NXF1: variants seen among roughly 807,000 people sequenced by gnomAD.
NXF1 encodes nuclear RNA export factor 1, also known as mRNA export factor TAP.
Under a neutral mutation model 92.4 loss-of-function variants are expected in NXF1, and 43 were observed. That is an observed-to-expected ratio of 0.47 (90% CI 0.36 to 0.60). The LOEUF (loss-of-function observed/expected upper bound fraction) is 0.60, where lower values mean the gene tolerates loss of function less well. NXF1 is among the 20% of genes least tolerant of loss of function. NXF1 has a pLI of 0.00. For missense variants in NXF1, 576 were observed against 793.0 expected (o/e 0.73, Z 3.29); for synonymous variants, 288 against 292.2 (o/e 0.99, Z 0.15).
chr11:62,792,367 C>T lies in NXF1; in HGVS notation c.*109G>A. 1 of 1,357,056 alleles carries T rather than the reference C, an allele frequency of 7.4e-7. No homozygotes were observed. Among genetic ancestry groups the T allele is most frequent in the Non-Finnish European group, 1.1e-6 (1 of 949,126 alleles). The allele number at this position is 1,357,056 out of a possible 1,614,324, so 84.1% of individuals were successfully genotyped here. A position where few individuals can be genotyped will look rare whatever the true frequency, so the allele number is the denominator to read the frequency against. The stretch of plus-strand genomic sequence containing the variant: ...CAGGCAGCCCTCCCTCCCTCGGTCA[C>T]AGTCACGGGGCGGCCTCGGGCCAGA... On this transcript the variant is annotated 3_prime_UTR_variant, in exon 21 of 21. Transcript: ENST00000294172.
At chr11:62,792,596 G>A in intron 20 of NXF1, 45 bp downstream of exon 20, 1 of 1,613,438 alleles carries the variant, frequency 6.2e-7, no homozygotes, top group Non-Finnish European at 8.5e-7. Context: ...CCTCCTGGAG[G>A]CCCAGAGATC....
chr11:62,794,702 A>G, intron 18 of NXF1: 1 of 588,066 alleles, frequency 1.7e-6, no homozygotes, highest in Non-Finnish European at 3.0e-6. Flanking sequence ...TTGTTATATG[A>G]ATTTTCAGAT....
intron 17 of NXF1, chr11:62,795,250 G>A: frequency 4.7e-6 from 2 of 423,308 alleles, no homozygotes; most frequent in South Asian, 7.4e-5. Flanking sequence ...GGCTGAGGTG[G>A]GCAGATCACG....
Position 62,802,159 on chromosome 11 carries a change from A to G in NXF1, c.453+18T>C, listed in dbSNP as rs1362020227. ...ATCCCTGGTGCCTGGCCAGCCAGCCACTCAGGCCTTGTCTTACCTCAATAG... is the reference window on the plus strand; with the variant it reads ...ATCCCTGGTGCCTGGCCAGCCAGCCGCTCAGGCCTTGTCTTACCTCAATAG... On this transcript the variant is annotated intron_variant, in intron 4 of 20. Coordinates refer to ENST00000294172, the MANE Select transcript of NXF1 (RefSeq NM_006362.5). The G allele has an allele frequency of 1.9e-6, 3 of 1,613,184 alleles. No individual in the cohort carries two copies.
chr11:62,804,427 A>G (rs772396623), intron 1 of NXF1, among the ~76,000 whole-genome samples: 1 of 152,196 alleles, frequency 6.6e-6, no homozygotes, highest in Non-Finnish European at 1.5e-5. Context: ...CTTCGTTTCC[A>G]TGGCCAGAAA....
intron 5 of NXF1, 24 bp from the exon 6 acceptor site, chr11:62,801,843 C>G: frequency 1.9e-6 from 3 of 1,609,406 alleles, no homozygotes; most frequent in Non-Finnish European, 2.6e-6. Context: ...ACAGAGGGCA[C>G]AGAAAACTCT....
chr11:62,794,362 TGC>T lies in NXF1; in HGVS notation c.1654_1655del (p.Ala552ThrfsTer80). 6.2e-7 allele frequency: 1 copy of T among 1,614,136 alleles called. No individual in the cohort carries two copies. On this transcript the variant is annotated frameshift_variant, in exon 19 of 21. Transcript: ENST00000294172. LOFTEE classifies it high-confidence loss of function. ...EEIQRAFAMPAPTPSSSPVPT... is the reference protein window; with the variant it reads ...EEIQRAFAMPXPTPSSSPVPT... ...GCACCGGGCTGGAGGAAGGCGTGGG[TGC>T]AGGCATAGCGAAGGCTCTTTGGATC...
Position 62,801,057 on chromosome 11 carries a change from A to C in NXF1, c.906+37T>G, listed in dbSNP as rs964402037. ...GACAAACTCTCTACACCCTCTACCC[A>C]CCCCTTCAAAAATATAGCCGAGCTA... On this transcript the variant is annotated intron_variant, in intron 9 of 20. Transcript: ENST00000294172. 8 of 1,478,222 alleles carry C rather than the reference A, an allele frequency of 5.4e-6. No homozygotes were observed. In the African/African-American group the frequency reaches 8.3e-5, roughly 15 times the overall value. The allele number at this position is 1,478,222 out of a possible 1,614,324, so 91.6% of individuals were successfully genotyped here. A position where few individuals can be genotyped will look rare whatever the true frequency, so the allele number is the denominator to read the frequency against.
intron 10 of NXF1, 158 bp downstream of exon 10, chr11:62,800,219 C>A: frequency 9.0e-6 from 13 of 1,447,084 alleles, no homozygotes; most frequent in Non-Finnish European, 1.2e-5. Flanking sequence ...CTGGAAGACA[C>A]AGACAGACCA....
chr11:62,803,945 C>A lies in NXF1; in HGVS notation c.62G>T (p.Arg21Ile). 1 of 1,613,798 alleles carries A rather than the reference C, an allele frequency of 6.2e-7. No homozygotes were observed. The highest frequency in any genetic ancestry group is 2.2e-5 in the East Asian group (1 of 44,888). Residue 21 changes from arginine (R) to isoleucine (I), a missense_variant, in exon 2 of 21, where the codon AGA becomes ATA. Arg to Ile is a moderately conservative substitution (Grantham distance 97). Coordinates refer to ENST00000294172, the MANE Select transcript of NXF1 (RefSeq NM_006362.5). ...HDDERVNFPQ[R>I]KKKGRGPFRW... ...GAAGGGACCCCGGCCTTTCTTCTTT[C>A]TTTGAGGGAAATTAACGCGTTCATC...
intron 18 of NXF1, 30 bp from the exon 19 acceptor site, chr11:62,794,470 G>A: frequency 6.3e-7 from 1 of 1,584,106 alleles, no homozygotes; most frequent in African/African-American, 1.3e-5. Context: ...TAAAAAGCTA[G>A]ACAGAGATAA....
Position 62,801,642 on chromosome 11 carries a change from A to G in NXF1, c.640-11T>C. 6.2e-7 allele frequency: 1 copy of G among 1,613,960 alleles called. No homozygotes were observed. The highest frequency in any genetic ancestry group is 1.1e-5 in the South Asian group (1 of 91,066). On this transcript the variant is annotated splice_polypyrimidine_tract_variant and intron_variant, in intron 6 of 20. Coordinates refer to ENST00000294172, the MANE Select transcript of NXF1 (RefSeq NM_006362.5). ...TTTGCTCATGATCAGCTAGAGGAAA[A>G]AGAAGGGTTTAGTGGTCACTGGGTT...
intron 1 of NXF1, among the ~76,000 whole-genome samples, chr11:62,804,740 G>C (rs2084515673): frequency 6.6e-6 from 1 of 152,134 alleles, no homozygotes; most frequent in Non-Finnish European, 1.5e-5. Context: ...TGATAGGAAT[G>C]ATCTCATTTC....
Position 62,794,931 on chromosome 11 carries a change from T to G in NXF1, c.1577+4A>C, listed in dbSNP as rs2084405100. On this transcript the variant is annotated splice_donor_region_variant and intron_variant, in intron 18 of 20. Transcript: ENST00000294172. ...GTATCCAATGCGAAAAGCAGAATAC[T>G]TACCCTGAATTGCTAGCAGGAACAG... 1.2e-6 allele frequency: 2 copies of G among 1,614,090 alleles called. No individual in the cohort carries two copies. Among genetic ancestry groups the G allele is most frequent in the African/African-American group, 2.7e-5 (2 of 75,062 alleles).
In NXF1 at chr11:62,798,550, A is replaced by G. The variant is rs746589453; in HGVS notation, c.1042T>C (p.Leu348=). ...ISAIRERFPK[L]LRLDGHELPP... ...AATTATGGACTTACCAGGCGTAGTA[A>G]CTTGGGAAATCGTTCGCGAATGGCG... The change falls in exon 11 of 21, where the codon TTA becomes CTA. Residue 348 remains leucine (L), a synonymous_variant. Transcript: ENST00000294172. 2.5e-6 allele frequency: 4 copies of G among 1,614,054 alleles called. No individual in the cohort carries two copies. Among genetic ancestry groups the G allele is most frequent in the Admixed American group, 3.3e-5 (2 of 59,996 alleles).
chr11:62,798,598 G>A (rs1295428925), intron 10 of NXF1, 23 bp from the exon 11 acceptor site: 2 of 1,613,624 alleles, frequency 1.2e-6, no homozygotes, highest in African/African-American at 2.7e-5. Flanking sequence ...GGACAGAAGT[G>A]AGTGATGCTT....
chr11:62,798,850 C>A, intron 10 of NXF1: 2 of 1,259,410 alleles, frequency 1.6e-6, no homozygotes, highest in South Asian at 2.4e-5. Context: ...AGCCCAGGAC[C>A]TCTTTCCCCT....
chr11:62,800,628 G>C, intron 9 of NXF1, 142 bp from the exon 10 acceptor site: 1 of 582,804 alleles, frequency 1.7e-6, no homozygotes, highest in Non-Finnish European at 3.0e-6. Context: ...TTTTGGGACA[G>C]GGTCTCACTC....
chr11:62,795,677 T>G (rs912857722), intron 17 of NXF1, among the ~76,000 whole-genome samples: 54 of 152,152 alleles, frequency 3.5e-4, no homozygotes, highest in African/African-American at 1.2e-3. Context: ...GGATGGAAAC[T>G]AAGAACTGCC....
Sources: allele counts gnomAD v4.1 joint callset (sites outside exome capture counted in the v4.1 genomes callset), GRCh38; gene constraint gnomAD v4.1.1; transcripts MANE v1.5; gene names NCBI Gene and HGNC (gene_info 2026-07-23, HGNC 2026-07-21).